Variants in MALT1 observed in about 807,000 individuals in gnomAD.
The protein encoded by MALT1 is MALT1 paracaspase, also known as mucosa-associated lymphoid tissue lymphoma translocation protein 1.
A neutral mutation model predicts 85.5 loss-of-function variants in MALT1; 36 were observed. The observed-to-expected ratio is 0.42, with a 90% CI of 0.32 to 0.56. MALT1 has a LOEUF of 0.56. Ranked by LOEUF, MALT1 falls within the 20% of genes least tolerant of loss-of-function variation. The probability of loss-of-function intolerance (pLI) is 0.10; values close to 1 mark genes in which losing one functional copy is unlikely to be tolerated. For missense variants in MALT1, 716 were observed against 981.6 expected (o/e 0.73, Z 3.62); for synonymous variants, 359 against 361.3 (o/e 0.99, Z 0.07).
intron 1 of MALT1, 77 bp from the exon 2 acceptor site, chr18:58,681,093 C>T: frequency 7.5e-7 from 1 of 1,340,528 alleles, no homozygotes; most frequent in Admixed American, 1.9e-5. Context: ...CCATACAGCA[C>T]CACCGTGGTC....
chr18:58,698,070 T>TTG (rs369605495), intron 3 of MALT1, among the ~76,000 whole-genome samples: 15,754 of 92,100 alleles, frequency 0.17, 1,320 homozygotes, highest in African/African-American at 0.27. Context: ...TTGTTTTGTT[T>TTG]TTTTGTTTTT....
chr18:58,742,511 A>G (rs2055315030), intron 14 of MALT1, among the ~76,000 whole-genome samples: 1 of 152,194 alleles, frequency 6.6e-6, no homozygotes, highest in Admixed American at 6.5e-5. Flanking sequence ...GTTAGACACC[A>G]GCCTGGACAA....
intron 1 of MALT1, among the ~76,000 whole-genome samples, chr18:58,680,854 C>T (rs1312713193): frequency 1.4e-5 from 2 of 140,838 alleles, no homozygotes; most frequent in African/African-American, 2.6e-5. Context: ...ACCCGGGAAG[C>T]GGAGCTTGCA....
intron 13 of MALT1, among the ~76,000 whole-genome samples, chr18:58,736,491 T>C (rs552588540): frequency 2.0e-5 from 3 of 152,164 alleles, no homozygotes; most frequent in Non-Finnish European, 4.4e-5. Flanking sequence ...GTCAGTTATA[T>C]TCAAACTGAG....
At chr18:58,693,693 AC>A (rs1568130219) in intron 2 of MALT1, among the ~76,000 whole-genome samples, 1 of 152,134 alleles carries the variant, frequency 6.6e-6, no homozygotes, top group Non-Finnish European at 1.5e-5. Flanking sequence ...GTCCTGAGTA[AC>A]CAGATGGATG....
intron 1 of MALT1, 86 bp from the exon 2 acceptor site, chr18:58,681,084 C>A: frequency 8.4e-7 from 1 of 1,195,578 alleles, no homozygotes; most frequent in Non-Finnish European, 1.2e-6. Context: ...TGATTTATTC[C>A]ATACAGCACC....
chr18:58,699,210 A>G (rs1306460142), intron 3 of MALT1, among the ~76,000 whole-genome samples: 2 of 152,208 alleles, frequency 1.3e-5, no homozygotes, highest in African/African-American at 4.8e-5. Flanking sequence ...AAGTACAGAC[A>G]TGGATAGGTT....
At chr18:58,718,255 A>C (rs1446254794) in intron 9 of MALT1, among the ~76,000 whole-genome samples, 2 of 152,208 alleles carry the variant, frequency 1.3e-5, no homozygotes, top group Admixed American at 1.3e-4. Context: ...TCCCAATTGA[A>C]AGAATAACAA....
intron 9 of MALT1, among the ~76,000 whole-genome samples, chr18:58,719,332 T>TC (rs2054949774): frequency 8.6e-6 from 1 of 116,648 alleles, no homozygotes; most frequent in South Asian, 2.7e-4. Flanking sequence ...TCTCTCTCTT[T>TC]CTCTTCCTCT....
At chr18:58,691,371 G>A (rs1366306798) in intron 2 of MALT1, 1 of 801,698 alleles carries the variant, frequency 1.2e-6, no homozygotes, top group Non-Finnish European at 1.9e-6. Context: ...CCTGGCTCAG[G>A]CCCAGCTCCT....
At chr18:58,714,638 G>A (rs1467826461) in intron 8 of MALT1, among the ~76,000 whole-genome samples, 1 of 151,628 alleles carries the variant, frequency 6.6e-6, no homozygotes, top group East Asian at 1.9e-4. Flanking sequence ...AGTGACAGTT[G>A]TCAAGAGTAT....
At position 58,681,165 on chromosome 18, in the gene MALT1, T is replaced by G. The variant is rs774420660; in HGVS notation, c.210-5T>G. On this transcript the variant is annotated splice_region_variant and splice_polypyrimidine_tract_variant and intron_variant, in intron 1 of 16. Transcript: ENST00000649217. ...GTTGACTTGAATTCTTTCTGTTGCTTTCAGTTGCCTAGACCTGGAGCAGTG... is the reference window on the plus strand; with the variant it reads ...GTTGACTTGAATTCTTTCTGTTGCTGTCAGTTGCCTAGACCTGGAGCAGTG... The G allele has an allele frequency of 6.2e-7, 1 of 1,611,292 alleles. No individual in the cohort carries two copies. Among genetic ancestry groups the G allele is most frequent in the Admixed American group, 1.7e-5 (1 of 59,212 alleles).
rs2054178596 is a variant in MALT1 at position 58,672,433 on chromosome 18, G to T, written c.209+581G>T. 3.3e-5 allele frequency: 5 copies of T among 152,182 alleles called. No homozygotes were observed. In the South Asian group the frequency reaches 1.0e-3, roughly 32 times the overall value. The allele number at this position is 152,182 out of a possible 1,614,324, so 9.4% of individuals were successfully genotyped here. A position where few individuals can be genotyped will look rare whatever the true frequency, so the allele number is the denominator to read the frequency against. Reference sequence around the variant, plus strand: ...CTTCACCATGAACATGAAACTCGAAGTAAAACTATTTTCCTTGTTAGGTTT... The same window carrying T: ...CTTCACCATGAACATGAAACTCGAATTAAAACTATTTTCCTTGTTAGGTTT... On this transcript the variant is annotated intron_variant, in intron 1 of 16. Coordinates refer to ENST00000649217, the MANE Select transcript of MALT1 (RefSeq NM_006785.4).
chr18:58,673,138 T>A (rs2054190785), intron 1 of MALT1, among the ~76,000 whole-genome samples: 1 of 152,202 alleles, frequency 6.6e-6, no homozygotes, highest in Non-Finnish European at 1.5e-5. Context: ...CTTAATATTC[T>A]GTTATGTATA....
chr18:58,698,695 C>T (rs566568614), intron 3 of MALT1, among the ~76,000 whole-genome samples: 17 of 152,284 alleles, frequency 1.1e-4, no homozygotes, highest in African/African-American at 3.6e-4. Context: ...TATTTGTGTG[C>T]ATGCAAGAGC....
intron 4 of MALT1, among the ~76,000 whole-genome samples, chr18:58,707,700 C>T (rs932250802): frequency 6.6e-6 from 1 of 152,100 alleles, no homozygotes; most frequent in African/African-American, 2.4e-5. Context: ...ACATATTACA[C>T]ATTAACATAT....
In MALT1 at chr18:58,732,762, C is replaced by CTATATATATATATATATATATATATATAT. The variant is rs879522631; in HGVS notation, c.1223-635_1223-634insTATATATATATATATATATATATATATAT. Among the ~76,000 whole-genome samples the CTATATATATATATATATATATATATATAT allele has an allele frequency of 6.1e-4, 92 of 150,608 alleles. 2 individuals are homozygous for CTATATATATATATATATATATATATATAT. The East Asian group carries it at 9.0e-3, about 15-fold the overall frequency. ...TGAGTCAGGAGAGAAATCCTAGCTG[C>CTATATATATATATATATATATATATATAT]ATTCTTTTTTATATATCATAACATA... is the stretch of plus-strand genomic sequence containing the variant. On this transcript the variant is annotated intron_variant, in intron 10 of 16. Coordinates refer to ENST00000649217, the MANE Select transcript of MALT1 (RefSeq NM_006785.4).
At chr18:58,743,660 CA>C (rs999598936) in intron 14 of MALT1, among the ~76,000 whole-genome samples, 33 of 152,080 alleles carry the variant, frequency 2.2e-4, no homozygotes, top group African/African-American at 7.7e-4. Flanking sequence ...GCAAATGATA[CA>C]AATTCAACAA....
At chr18:58,682,929 G>C (rs1044275227) in intron 2 of MALT1, among the ~76,000 whole-genome samples, 5 of 152,144 alleles carry the variant, frequency 3.3e-5, no homozygotes, top group Non-Finnish European at 7.4e-5. Flanking sequence ...CTATTTCCCA[G>C]CGCCTCTTCC....
Sources: gnomAD v4.1 joint callset for allele counts (sites outside exome capture counted in the v4.1 genomes callset) on GRCh38, gnomAD v4.1.1 for gene constraint, MANE v1.5 for transcripts, NCBI Gene and HGNC (gene_info 2026-07-23, HGNC 2026-07-21) for gene names.